The following MLLT3 variants were observed in gnomAD, a reference collection of about 807,000 sequenced individuals.
The protein encoded by MLLT3 is MLLT3 super elongation complex subunit.
A neutral mutation model predicts 53.2 loss-of-function variants in MLLT3; 4 were observed. That is an observed-to-expected ratio of 0.08 (90% CI 0.04 to 0.17). The LOEUF is 0.17. Among genes scored for constraint, MLLT3 ranks in the 10% least tolerant of loss-of-function variants. The pLI is 1.00. For missense variants in MLLT3, 569 were observed against 684.0 expected (o/e 0.83, Z 1.87); for synonymous variants, 283 against 230.6 (o/e 1.23, Z -2.06).
intron 4 of MLLT3, among the ~76,000 whole-genome samples, chr9:20,422,856 G>A (rs76323265): frequency 0.017 from 2,569 of 152,246 alleles, 65 homozygotes; most frequent in African/African-American, 0.054. Flanking sequence ...CAATGATGGT[G>A]ACAGTGGTGG....
intron 2 of MLLT3, among the ~76,000 whole-genome samples, chr9:20,561,336 T>G (rs1819204689): frequency 6.6e-6 from 1 of 152,016 alleles, no homozygotes; most frequent in Non-Finnish European, 1.5e-5. Flanking sequence ...ATCAAGATAC[T>G]CAAACTCTTC....
At chr9:20,480,517 G>C (rs550779733) in intron 2 of MLLT3, among the ~76,000 whole-genome samples, 4 of 152,314 alleles carry the variant, frequency 2.6e-5, no homozygotes, top group African/African-American at 9.6e-5. Flanking sequence ...TTCAGATGGA[G>C]CCAGCCTGCT....
intron 2 of MLLT3, among the ~76,000 whole-genome samples, chr9:20,607,942 T>TA (rs1464528038): frequency 2.0e-5 from 3 of 152,020 alleles, no homozygotes; most frequent in African/African-American, 7.2e-5. Flanking sequence ...TTTCCCTTTG[T>TA]AAAAACCTCT....
chr9:20,512,148 A>G (rs1424163856), intron 2 of MLLT3, among the ~76,000 whole-genome samples: 1 of 152,212 alleles, frequency 6.6e-6, no homozygotes, highest in African/African-American at 2.4e-5. Context: ...TAAAATACTC[A>G]TTCTTGATAT....
In MLLT3 at chr9:20,385,090, T is replaced by C. The variant is rs148060735; in HGVS notation, c.1126-19346A>G. On this transcript the variant is annotated intron_variant, in intron 5 of 10. Coordinates refer to ENST00000380338, the MANE Select transcript of MLLT3 (RefSeq NM_004529.4). ...ATTTATTAATAAATCCTACCATAAG[T>C]AAAGGTACTTAATAAAAATCTCTAA... is the stretch of plus-strand genomic sequence containing the variant. 2.3e-3 allele frequency among the ~76,000 whole-genome samples: 352 copies of C among 152,238 alleles called. 4 individuals carry two copies. The East Asian group carries it at 0.026, about 11-fold the overall frequency.
At chr9:20,572,339 G>A (rs1388350068) in intron 2 of MLLT3, among the ~76,000 whole-genome samples, 2 of 152,146 alleles carry the variant, frequency 1.3e-5, no homozygotes, top group African/African-American at 4.8e-5. Flanking sequence ...TTTCAAAATT[G>A]CTGAGAGAGT....
At position 20,621,481 on chromosome 9, in the gene MLLT3, G is replaced by C. The variant is rs892250427; in HGVS notation, c.13-647C>G. Among the ~76,000 whole-genome samples the C allele has an allele frequency of 3.3e-5, 5 of 152,158 alleles. No homozygotes were observed. The highest frequency in any genetic ancestry group is 4.8e-5 in the African/African-American group (2 of 41,540). ...ACACACGCCCGCAGGAAAACACGCC[G>C]AGGCATCCATAACTTAGAGCACCCC... is the stretch of plus-strand genomic sequence containing the variant. On this transcript the variant is annotated intron_variant, in intron 1 of 10. Coordinates refer to ENST00000380338, the MANE Select transcript of MLLT3 (RefSeq NM_004529.4). The surrounding 1 kb of genome is among the most constrained non-coding windows in gnomAD (Gnocchi z 7.0).
intron 5 of MLLT3, among the ~76,000 whole-genome samples, chr9:20,377,773 G>C (rs1821805138): frequency 6.6e-6 from 1 of 152,044 alleles, no homozygotes; most frequent in South Asian, 2.1e-4. Context: ...TATTTTATTT[G>C]CTAAGAACTT....
At chr9:20,563,872 T>A (rs140709124) in intron 2 of MLLT3, among the ~76,000 whole-genome samples, 95 of 152,264 alleles carry the variant, frequency 6.2e-4, no homozygotes, top group African/African-American at 2.2e-3. Context: ...AGAAAAAGAA[T>A]CAGCCACAAG....
chr9:20,582,844 G>A (rs1416997337), intron 2 of MLLT3, among the ~76,000 whole-genome samples: 1 of 152,032 alleles, frequency 6.6e-6, no homozygotes, highest in African/African-American at 2.4e-5. Context: ...GGAAATTCTG[G>A]GAAATACAAT....
intron 2 of MLLT3, among the ~76,000 whole-genome samples, chr9:20,588,627 G>C (rs1317490301): frequency 6.6e-6 from 1 of 152,164 alleles, no homozygotes; most frequent in East Asian, 1.9e-4. Flanking sequence ...GTTCACTCAT[G>C]ATTTGCCTCT....
At chr9:20,607,570 C>G (rs1820601147) in intron 2 of MLLT3, among the ~76,000 whole-genome samples, 1 of 151,868 alleles carries the variant, frequency 6.6e-6, no homozygotes, top group South Asian at 2.1e-4. Context: ...TAAGAAATAC[C>G]CAGATCATAA....
chr9:20,361,799 T>C (rs1317325551), intron 7 of MLLT3, among the ~76,000 whole-genome samples: 1 of 152,148 alleles, frequency 6.6e-6, no homozygotes, highest in Non-Finnish European at 1.5e-5. Context: ...TCCCCTCCTC[T>C]CTGGTTATAT....
At chr9:20,395,401 C>T (rs1822297704) in intron 5 of MLLT3, among the ~76,000 whole-genome samples, 1 of 152,116 alleles carries the variant, frequency 6.6e-6, no homozygotes. Context: ...TACAAGACCA[C>T]AGGAGTTTTC....
At chr9:20,453,423 C>T (rs578262552) in intron 3 of MLLT3, among the ~76,000 whole-genome samples, 2 of 152,072 alleles carry the variant, frequency 1.3e-5, no homozygotes, top group African/African-American at 4.8e-5. Context: ...TAGCCGGGTC[C>T]GTGGTGGTGC....
chr9:20,377,456 T>A (rs1316082254), intron 5 of MLLT3, among the ~76,000 whole-genome samples: 1 of 152,074 alleles, frequency 6.6e-6, no homozygotes, highest in Non-Finnish European at 1.5e-5. Flanking sequence ...TATAAAAAAG[T>A]ATAAAGTAAA....
At chr9:20,538,714 A>C (rs958546441) in intron 2 of MLLT3, among the ~76,000 whole-genome samples, 1 of 152,234 alleles carries the variant, frequency 6.6e-6, no homozygotes, top group Non-Finnish European at 1.5e-5. Context: ...CGAGTTTTTA[A>C]ACATTCCTAT....
chr9:20,464,364 C>A (rs3904577), intron 2 of MLLT3, among the ~76,000 whole-genome samples: 91,663 of 151,826 alleles, frequency 0.6, 27,984 homozygotes, highest in African/African-American at 0.68. Context: ...CTGCTAAGTA[C>A]AAGTTCTATT....
At chr9:20,458,986 C>T (rs1217095562) in intron 2 of MLLT3, among the ~76,000 whole-genome samples, 1 of 152,060 alleles carries the variant, frequency 6.6e-6, no homozygotes, top group Non-Finnish European at 1.5e-5. Flanking sequence ...GGTCCACAGC[C>T]CTGGATTGAA....
Sources: allele counts gnomAD v4.1 joint callset (sites outside exome capture counted in the v4.1 genomes callset), GRCh38; gene constraint gnomAD v4.1.1; non-coding constraint Gnocchi (gnomAD v3.1); transcripts MANE v1.5; gene names NCBI Gene and HGNC (gene_info 2026-07-23, HGNC 2026-07-21).